Variants in GDA observed in about 807,000 individuals in gnomAD.
The protein encoded by GDA is guanine deaminase, also known as cytoplasmic PSD-95 interactor.
Under a neutral mutation model 59.6 loss-of-function variants are expected in GDA, and 18 were observed. The observed-to-expected ratio is 0.30, with a 90% CI of 0.21 to 0.45. The LOEUF is 0.45. Among genes scored for constraint, GDA ranks in the 20% least tolerant of loss-of-function variants. The pLI is 1.00. For missense variants in GDA, 427 were observed against 552.3 expected, an observed-to-expected ratio of 0.77 and a Z score of 2.27; for synonymous variants, 201 against 201.1, an observed-to-expected ratio of 1.00 and a Z score of 0.00.
intron 3 of GDA, among the ~76,000 whole-genome samples, chr9:72,206,499 A>C (rs1327138323): frequency 1.3e-5 from 2 of 152,156 alleles, no homozygotes; most frequent in East Asian, 3.8e-4. Flanking sequence ...AGGGCCGGGC[A>C]CGGTGGCTCA....
At chr9:72,247,037 G>GAAC (rs1554686541) in intron 12 of GDA, among the ~76,000 whole-genome samples, 1 of 152,030 alleles carries the variant, frequency 6.6e-6, no homozygotes, top group African/African-American at 2.4e-5. Context: ...TAACAAAACA[G>GAAC]AACAACAACA....
intron 1 of GDA, among the ~76,000 whole-genome samples, chr9:72,173,123 G>A (rs922340659): frequency 6.6e-6 from 1 of 152,064 alleles, no homozygotes; most frequent in African/African-American, 2.4e-5. Flanking sequence ...TGTTTCACTG[G>A]TCCAAAATCA....
intron 1 of GDA, among the ~76,000 whole-genome samples, chr9:72,189,166 CTTTTT>C (rs71493640): frequency 1.1e-3 from 60 of 54,924 alleles, no homozygotes; most frequent in African/African-American, 6.5e-3. Flanking sequence ...AGACTCTAGA[CTTTTT>C]TTTTTTTTTT....
At chr9:72,212,305 AC>A in intron 4 of GDA, among the ~76,000 whole-genome samples, 1 of 152,026 alleles carries the variant, frequency 6.6e-6, no homozygotes, top group Non-Finnish European at 1.5e-5. Flanking sequence ...ACATGGTGAA[AC>A]CCTGTCTCTA....
chr9:72,215,567 C>T (rs773196229), intron 5 of GDA, among the ~76,000 whole-genome samples: 17 of 152,196 alleles, frequency 1.1e-4, no homozygotes, highest in South Asian at 2.1e-4. Flanking sequence ...TGCAGGCATA[C>T]AGGAGGGAAG....
At chr9:72,214,739 CT>C in intron 5 of GDA, 1 of 302,392 alleles carries the variant, frequency 3.3e-6, no homozygotes, top group African/African-American at 2.4e-5. Flanking sequence ...TTTTTCTTTT[CT>C]TTTCTTTTTT....
At chr9:72,223,741 TG>T (rs1837198671) in intron 7 of GDA, among the ~76,000 whole-genome samples, 1 of 152,234 alleles carries the variant, frequency 6.6e-6, no homozygotes, top group South Asian at 2.1e-4. Flanking sequence ...TACCTTGCTT[TG>T]TCATTAAATT....
At chr9:72,216,810 C>T (rs963337138) in intron 5 of GDA, among the ~76,000 whole-genome samples, 16 of 151,822 alleles carry the variant, frequency 1.1e-4, no homozygotes, top group African/African-American at 1.7e-4. Context: ...CAAGTAGCTG[C>T]GACTACAGGC....
intron 1 of GDA, among the ~76,000 whole-genome samples, chr9:72,141,857 A>G (rs896534339): frequency 1.3e-5 from 2 of 152,232 alleles, no homozygotes; most frequent in Non-Finnish European, 2.9e-5. Flanking sequence ...GTGGCACATT[A>G]GAGATGTATA....
intron 1 of GDA, among the ~76,000 whole-genome samples, chr9:72,157,420 C>A (rs1828046960): frequency 6.6e-6 from 1 of 152,172 alleles, no homozygotes; most frequent in Non-Finnish European, 1.5e-5. Flanking sequence ...CAGCCCAATG[C>A]ACCCTCATTA....
At position 72,133,299 on chromosome 9, in the gene GDA, A is replaced by T. The variant is rs952751836; in HGVS notation, c.-100+18466A>T. ...GCAAGACTCTGTCTAAAAAAAAAAA[A>T]AAAAAAAAAAATAATAATAATAATA... On this transcript the variant is annotated intron_variant, in intron 1 of 13. Transcript: ENST00000545168. 1.3e-3 allele frequency among the ~76,000 whole-genome samples: 103 copies of T among 77,818 alleles called. 1 individual carries two copies. In the East Asian group the frequency reaches 0.049, roughly 37 times the overall value. The allele number at this position is 77,818 out of a possible 152,430, so 51.1% of individuals were successfully genotyped here. A position where few individuals can be genotyped will look rare whatever the true frequency, so the allele number is the denominator to read the frequency against.
intron 7 of GDA, among the ~76,000 whole-genome samples, chr9:72,223,572 CT>C (rs1202639700): frequency 1.3e-5 from 2 of 152,190 alleles, no homozygotes; most frequent in African/African-American, 4.8e-5. Flanking sequence ...TCCTACTTCT[CT>C]TTCACTTGAT....
At chr9:72,131,187 C>T (rs564588398) in intron 1 of GDA, among the ~76,000 whole-genome samples, 1 of 152,250 alleles carries the variant, frequency 6.6e-6, no homozygotes, top group Non-Finnish European at 1.5e-5. Context: ...ACTCTCATCT[C>T]TTAATTTGGA....
intron 3 of GDA, among the ~76,000 whole-genome samples, chr9:72,206,942 T>G (rs1834794245): frequency 6.9e-6 from 1 of 144,170 alleles, no homozygotes; most frequent in Admixed American, 6.8e-5. Flanking sequence ...TGGCTTTACT[T>G]TTTTTTTTTG....
At chr9:72,198,530 CAAAAAAA>C (rs57886644) in intron 2 of GDA, among the ~76,000 whole-genome samples, 1 of 108,872 alleles carries the variant, frequency 9.2e-6, no homozygotes, top group East Asian at 2.3e-4. Context: ...GACTCCATCT[CAAAAAAA>C]AAAAAAAAAT....
chr9:72,219,838 A>G (rs1232577907), intron 6 of GDA, among the ~76,000 whole-genome samples: 1 of 152,210 alleles, frequency 6.6e-6, no homozygotes, highest in Non-Finnish European at 1.5e-5. Flanking sequence ...TGTACACTAG[A>G]TCCTCAGAAC....
At chr9:72,247,381 T>G in intron 12 of GDA, 25 bp from the exon 13 acceptor site, 1 of 1,395,964 alleles carries the variant, frequency 7.2e-7, no homozygotes, top group Non-Finnish European at 1.0e-6. Context: ...TGAGTCTTTC[T>G]TATTACTTTT....
At chr9:72,174,170 G>T (rs1026558002) in intron 1 of GDA, among the ~76,000 whole-genome samples, 6 of 152,144 alleles carry the variant, frequency 3.9e-5, no homozygotes, top group South Asian at 4.1e-4. Context: ...TATTCAGCAG[G>T]TGCTCATTAG....
chr9:72,124,334 C>T lies in GDA; in HGVS notation c.-100+9501C>T, dbSNP rs11143121. 6.0e-4 allele frequency among the ~76,000 whole-genome samples: 92 copies of T among 152,254 alleles called. No individual in the cohort carries two copies. The East Asian group carries it at 0.016, about 26-fold the overall frequency. On this transcript the variant is annotated intron_variant, in intron 1 of 13. Transcript: ENST00000545168. ...TAGAAGACACTTTATAAATTGCAAA[C>T]GCCTCAGTATTTTATGTGTCACCAA...
Sources: gnomAD v4.1 joint callset for allele counts (sites outside exome capture counted in the v4.1 genomes callset) on GRCh38, gnomAD v4.1.1 for gene constraint, MANE v1.5 for transcripts, NCBI Gene and HGNC (gene_info 2026-07-23, HGNC 2026-07-21) for gene names.